Variants in TANGO6 observed in about 807,000 individuals in gnomAD.
TANGO6 encodes transport and golgi organization 6 homolog, also known as transport and Golgi organization protein 6 homolog.
In TANGO6, 90 loss-of-function variants were observed where a neutral mutation model predicts 114.2. The observed-to-expected ratio is 0.79, with a 90% CI of 0.66 to 0.94. The LOEUF (loss-of-function observed/expected upper bound fraction) is 0.94, where lower values mean the gene tolerates loss of function less well. TANGO6 is among the 40% of genes least tolerant of loss of function. The pLI is 0.00. For synonymous variants in TANGO6, 477 were observed against 509.8 expected (o/e 0.94, Z 0.87); for missense variants, 1,274 against 1,315.3 (o/e 0.97, Z 0.49).
At chr16:69,019,892 A>G (rs531031591) in intron 15 of TANGO6, among the ~76,000 whole-genome samples, 1 of 152,296 alleles carries the variant, frequency 6.6e-6, no homozygotes, top group South Asian at 2.1e-4. Context: ...TTGTATTCCT[A>G]GAATATTAGC....
At chr16:69,039,478 A>G (rs993160276) in intron 16 of TANGO6, among the ~76,000 whole-genome samples, 2 of 151,956 alleles carry the variant, frequency 1.3e-5, no homozygotes, top group Non-Finnish European at 2.9e-5. Flanking sequence ...TCTACAAAAA[A>G]TAATCAAATT....
chr16:68,958,361 T>G (rs1469923189), intron 14 of TANGO6, among the ~76,000 whole-genome samples: 1 of 150,056 alleles, frequency 6.7e-6, no homozygotes, highest in Non-Finnish European at 1.5e-5. Context: ...TGGTGGTGCA[T>G]GCCTGTAATC....
chr16:69,003,871 C>A (rs1187929605), intron 15 of TANGO6, among the ~76,000 whole-genome samples: 1 of 151,948 alleles, frequency 6.6e-6, no homozygotes, highest in Non-Finnish European at 1.5e-5. Context: ...CCTTCCTTAT[C>A]AAAAATACAT....
rs1963220105 is a variant in TANGO6, at chr16:68,930,108, T to C, written c.2644-130T>C. The C allele has an allele frequency of 1.5e-5, 11 of 714,474 alleles. No homozygotes were observed. The South Asian group carries it at 2.1e-4, about 14-fold the overall frequency. The allele number at this position is 714,474 out of a possible 1,614,324, so 44.3% of individuals were successfully genotyped here. ...ATATGCCATTTCCCCCACAAAACTC[T>C]GTCAGACCAGTTTCTACCCAAGAAA... On this transcript the variant is annotated intron_variant, in intron 13 of 17. Coordinates refer to ENST00000261778, the MANE Select transcript of TANGO6 (RefSeq NM_024562.2).
chr16:69,039,752 A>G (rs1286739425), intron 16 of TANGO6, among the ~76,000 whole-genome samples: 1 of 152,222 alleles, frequency 6.6e-6, no homozygotes, highest in African/African-American at 2.4e-5. Flanking sequence ...GGTGTACACT[A>G]CATTTGTAGG....
chr16:68,942,955 A>G (rs530139412), intron 14 of TANGO6, among the ~76,000 whole-genome samples: 1 of 148,254 alleles, frequency 6.7e-6, no homozygotes, highest in South Asian at 2.1e-4. Flanking sequence ...GCTGAAGTGC[A>G]GTGGCACAAT....
chr16:68,945,501 G>T (rs1410630150), intron 14 of TANGO6, among the ~76,000 whole-genome samples: 1 of 152,046 alleles, frequency 6.6e-6, no homozygotes, highest in Non-Finnish European at 1.5e-5. Context: ...TCAACTCTTA[G>T]GTGGGTATGA....
At chr16:68,847,513 C>A (rs1055573149) in intron 1 of TANGO6, among the ~76,000 whole-genome samples, 2 of 152,188 alleles carry the variant, frequency 1.3e-5, no homozygotes, top group African/African-American at 2.4e-5. Context: ...TGTTTTAAAT[C>A]ACTTTCTTTG....
intron 17 of TANGO6, 82 bp downstream of exon 17, chr16:69,040,503 C>T: frequency 2.6e-6 from 3 of 1,136,684 alleles, no homozygotes; most frequent in Non-Finnish European, 3.9e-6. Flanking sequence ...CAGGGAAGGC[C>T]TCAAACCTCT....
intron 11 of TANGO6, among the ~76,000 whole-genome samples, chr16:68,916,488 A>G (rs1453202347): frequency 1.6e-5 from 2 of 125,766 alleles, no homozygotes; most frequent in Non-Finnish European, 3.3e-5. Flanking sequence ...CAGTGTGTGG[A>G]AAAATTGTCT....
rs377333561 is a variant in TANGO6 at position 68,949,652 on chromosome 16, A to G, written c.2701+19357A>G. ...AAAAAAAAAAGCTTACTTTAAAATA[A>G]TACAAATTATGAGGATGTGAAGAAA... On this transcript the variant is annotated intron_variant, in intron 14 of 17. Coordinates refer to ENST00000261778, the MANE Select transcript of TANGO6 (RefSeq NM_024562.2). Among the ~76,000 whole-genome samples the G allele has an allele frequency of 5.9e-5, 9 of 152,204 alleles. 1 individual carries two copies. Among genetic ancestry groups the G allele is most frequent in the Admixed American group, 2.0e-4 (3 of 15,276 alleles).
intron 1 of TANGO6, among the ~76,000 whole-genome samples, chr16:68,849,560 T>C (rs1961867858): frequency 2.0e-5 from 3 of 151,650 alleles, no homozygotes; most frequent in Admixed American, 2.0e-4. Flanking sequence ...CTTTGGAGGC[T>C]AAGATAGGAG....
At chr16:68,993,394 A>C (rs1963962377) in intron 15 of TANGO6, among the ~76,000 whole-genome samples, 1 of 152,258 alleles carries the variant, frequency 6.6e-6, no homozygotes. Context: ...AAGAACACAG[A>C]ATAATGAAGC....
intron 7 of TANGO6, among the ~76,000 whole-genome samples, chr16:68,882,881 T>G (rs1213290147): frequency 6.6e-6 from 1 of 151,668 alleles, no homozygotes; most frequent in Admixed American, 6.6e-5. Flanking sequence ...AGCCGGACGT[T>G]GTGGTACGCG....
At chr16:69,041,483 C>A (rs1348529479) in intron 17 of TANGO6, among the ~76,000 whole-genome samples, 2 of 151,814 alleles carry the variant, frequency 1.3e-5, no homozygotes, top group Admixed American at 1.3e-4. Context: ...ATCACACACA[C>A]ACATACATGG....
intron 16 of TANGO6, among the ~76,000 whole-genome samples, chr16:69,038,243 C>T (rs929939840): frequency 6.6e-6 from 1 of 152,054 alleles, no homozygotes; most frequent in Non-Finnish European, 1.5e-5. Context: ...GCCTGGCCAA[C>T]ACGGTGAAAC....
chr16:68,850,157 A>G (rs2062616771), intron 1 of TANGO6, among the ~76,000 whole-genome samples: 1 of 151,902 alleles, frequency 6.6e-6, no homozygotes, highest in African/African-American at 2.4e-5. Context: ...TATTTTTGGT[A>G]GAGATGGGGT....
intron 15 of TANGO6, among the ~76,000 whole-genome samples, chr16:68,980,363 A>G (rs1963812950): frequency 8.1e-6 from 1 of 122,936 alleles, no homozygotes; most frequent in African/African-American, 3.2e-5. Context: ...TTACATGAGT[A>G]TGAATCTATC....
chr16:68,900,074 A>G (rs1028680692), intron 7 of TANGO6, among the ~76,000 whole-genome samples: 2 of 152,154 alleles, frequency 1.3e-5, no homozygotes, highest in South Asian at 4.1e-4. Context: ...TCCTAATAGC[A>G]GGGCCTTCAG....
Sources: gnomAD v4.1 joint callset for allele counts (sites outside exome capture counted in the v4.1 genomes callset) on GRCh38, gnomAD v4.1.1 for gene constraint, MANE v1.5 for transcripts, NCBI Gene and HGNC (gene_info 2026-07-23, HGNC 2026-07-21) for gene names.